PDE10A: variants seen among roughly 807,000 people sequenced by gnomAD.
PDE10A encodes cAMP and cAMP-inhibited cGMP 3',5'-cyclic phosphodiesterase 10A.
In PDE10A, 39 loss-of-function variants were observed where a neutral mutation model predicts 97.7. The ratio of observed to expected loss-of-function variants is 0.40; its 90% CI spans 0.31 to 0.52. The LOEUF (loss-of-function observed/expected upper bound fraction) is 0.52. Ranked by LOEUF, PDE10A falls within the 20% of genes least tolerant of loss-of-function variation. The pLI, the probability that PDE10A is intolerant of heterozygous loss-of-function variation, is 0.56. For missense variants in PDE10A, 731 were observed against 1,047.8 expected, an observed-to-expected ratio of 0.70 and a Z score of 4.17; for synonymous variants, 371 against 376.8, an observed-to-expected ratio of 0.98 and a Z score of 0.18.
chr6:165,394,934 G>T (rs1786031778), intron 15 of PDE10A, among the ~76,000 whole-genome samples: 1 of 152,088 alleles, frequency 6.6e-6, no homozygotes, highest in Non-Finnish European at 1.5e-5. Context: ...TTTTATGAAA[G>T]CTTTTCAGAT....
chr6:165,542,743 T>C (rs996649960), intron 2 of PDE10A, among the ~76,000 whole-genome samples: 2 of 149,654 alleles, frequency 1.3e-5, no homozygotes, highest in Admixed American at 1.3e-4. Flanking sequence ...CTCAGCCTCC[T>C]GAGTAGCTGG....
chr6:165,889,958 C>A (rs1187446493), intron 1 of PDE10A, among the ~76,000 whole-genome samples: 1 of 101,104 alleles, frequency 9.9e-6, no homozygotes, highest in East Asian at 4.6e-4. Flanking sequence ...CTCCTCCCTC[C>A]CTCACTCCTC....
chr6:165,356,421 T>C (rs1352438944), intron 18 of PDE10A, among the ~76,000 whole-genome samples: 1 of 152,214 alleles, frequency 6.6e-6, no homozygotes, highest in East Asian at 1.9e-4. Context: ...TGTTTTATTA[T>C]TGACTTTACA....
At chr6:165,896,454 A>G (rs939607635) in intron 1 of PDE10A, among the ~76,000 whole-genome samples, 3 of 151,228 alleles carry the variant, frequency 2.0e-5, no homozygotes, top group Admixed American at 1.3e-4. Context: ...CCTGGGTTCA[A>G]GTGATTCTCA....
At chr6:165,632,769 A>G (rs1466545057) in intron 1 of PDE10A, among the ~76,000 whole-genome samples, 4 of 152,222 alleles carry the variant, frequency 2.6e-5, no homozygotes, top group Admixed American at 2.6e-4. Context: ...CATCACAAGT[A>G]TGGGAATGAG....
chr6:165,393,866 T>C (rs973287285), intron 15 of PDE10A, among the ~76,000 whole-genome samples: 3 of 152,158 alleles, frequency 2.0e-5, no homozygotes, highest in African/African-American at 2.4e-5. Context: ...GGATCAGTTA[T>C]AAAGTCAGGA....
intron 1 of PDE10A, among the ~76,000 whole-genome samples, chr6:165,716,805 G>A (rs879442567): frequency 6.6e-6 from 1 of 152,122 alleles, no homozygotes; most frequent in Non-Finnish European, 1.5e-5. Context: ...ATTTGCAATG[G>A]CTATTCTTGA....
Position 165,330,120 on chromosome 6 carries a change from A to T in PDE10A, c.*2905T>A, listed in dbSNP as rs1279957512. ...AAAGATAATGGAATAATTGCATATG[A>T]CCATAAAACTTGTCTATTATAAACC... On this transcript the variant is annotated 3_prime_UTR_variant, in exon 22 of 22. Coordinates refer to ENST00000539869, the MANE Select transcript of PDE10A (RefSeq NM_001385079.1). The T allele has an allele frequency of 6.6e-6, 1 of 152,222 alleles. No homozygotes were observed. The highest frequency in any genetic ancestry group is 2.4e-5 in the African/African-American group (1 of 41,456). The allele number at this position is 152,222 out of a possible 1,614,324, so 9.4% of individuals were successfully genotyped here.
intron 2 of PDE10A, among the ~76,000 whole-genome samples, chr6:165,539,886 A>G (rs1225754681): frequency 6.6e-6 from 1 of 152,178 alleles, no homozygotes; most frequent in Non-Finnish European, 1.5e-5. Context: ...AGAGCACACC[A>G]CTGCACTCCA....
At chr6:165,748,929 T>G (rs1792904079) in intron 1 of PDE10A, among the ~76,000 whole-genome samples, 1 of 152,172 alleles carries the variant, frequency 6.6e-6, no homozygotes, top group African/African-American at 2.4e-5. Flanking sequence ...ATTTCTAATG[T>G]ATGCCACTGC....
In PDE10A at chr6:165,485,756, C is replaced by T. The variant is rs374916161; in HGVS notation, c.995-3413G>A. The stretch of plus-strand genomic sequence containing the variant: ...TGCAGGCGCCCGCCACCATGCCTGA[C>T]TAATTTTTTGTATTTTTAGTAGAGA... On this transcript the variant is annotated intron_variant, in intron 2 of 21. Transcript: ENST00000539869. 1.3e-4 allele frequency among the ~76,000 whole-genome samples: 20 copies of T among 152,030 alleles called. No individual in the cohort carries two copies. In the East Asian group the frequency reaches 1.8e-3, roughly 14 times the overall value.
intron 1 of PDE10A, among the ~76,000 whole-genome samples, chr6:165,889,974 T>C (rs1583239863): frequency 1.2e-5 from 1 of 80,408 alleles, no homozygotes. Context: ...TCCTCACTCC[T>C]CCATCCCTCA....
At chr6:165,933,862 G>A (rs369575359) in intron 1 of PDE10A, among the ~76,000 whole-genome samples, 27 of 152,296 alleles carry the variant, frequency 1.8e-4, no homozygotes, top group East Asian at 7.7e-4. Context: ...GAACCAAAAC[G>A]GCTGCTTTGA....
chr6:165,619,474 G>C (rs62647937), intron 1 of PDE10A, among the ~76,000 whole-genome samples: 20 of 13,564 alleles, frequency 1.5e-3, no homozygotes, highest in Non-Finnish European at 2.7e-3. Flanking sequence ...CTAGTGTAGT[G>C]TAGTCTAGTG....
intron 15 of PDE10A, among the ~76,000 whole-genome samples, chr6:165,393,178 T>A (rs943848317): frequency 6.6e-6 from 1 of 152,158 alleles, no homozygotes; most frequent in African/African-American, 2.4e-5. Flanking sequence ...TAAAGGGTAT[T>A]TTGAGCTAAT....
chr6:165,413,711 T>TAACAAC (rs112249661), intron 12 of PDE10A, 24 bp from the exon 13 acceptor site: 3 of 1,572,260 alleles, frequency 1.9e-6, no homozygotes, highest in African/African-American at 1.4e-5. Flanking sequence ...GAACCAAAAA[T>TAACAAC]AACAACAACA....
At chr6:165,563,838 C>G (rs1413349811) in intron 1 of PDE10A, among the ~76,000 whole-genome samples, 1 of 151,424 alleles carries the variant, frequency 6.6e-6, no homozygotes, top group Non-Finnish European at 1.5e-5. Context: ...CTGCAGTTAG[C>G]TGAGATCGTG....
chr6:165,557,088 G>C (rs556996581), intron 1 of PDE10A, among the ~76,000 whole-genome samples: 1 of 152,158 alleles, frequency 6.6e-6, no homozygotes, highest in African/African-American at 2.4e-5. Flanking sequence ...GCAGTGAGTC[G>C]AGGTCGTGCC....
chr6:165,396,546 A>G, intron 13 of PDE10A, 87 bp from the exon 14 acceptor site: 1 of 1,342,666 alleles, frequency 7.4e-7, no homozygotes, highest in African/African-American at 1.5e-5. Flanking sequence ...TTGGTATTAA[A>G]GAATCAGAAC....
Sources: allele counts gnomAD v4.1 joint callset (sites outside exome capture counted in the v4.1 genomes callset), GRCh38; gene constraint gnomAD v4.1.1; transcripts MANE v1.5; gene names NCBI Gene and HGNC (gene_info 2026-07-23, HGNC 2026-07-21).